FAAH2: variants seen among roughly 807,000 people sequenced by gnomAD.
FAAH2 encodes the protein fatty-acid amide hydrolase 2.
A neutral mutation model predicts 36.9 loss-of-function variants in FAAH2; 60 were observed. That is an observed-to-expected ratio of 1.63 (90% CI 1.32 to 2.02). The LOEUF is 2.02. FAAH2 is among the 30% of genes most tolerant of loss of function. The probability of loss-of-function intolerance (pLI) is 0.00; values close to 1 mark genes in which losing one functional copy is unlikely to be tolerated. For missense variants in FAAH2, 689 were observed against 397.5 expected (o/e 1.73, Z -6.23); for synonymous variants, 214 against 143.8 (o/e 1.49, Z -3.49).
At chrX:57,331,112 C>T (rs1186617296) in intron 3 of FAAH2, among the ~76,000 whole-genome samples, 1 of 111,726 alleles carries the variant, frequency 9.0e-6, no homozygotes, top group Non-Finnish European at 1.9e-5. Flanking sequence ...GGGGCATGGG[C>T]AACCCTTGTT....
At chrX:57,319,001 G>C (rs2052931097) in intron 3 of FAAH2, among the ~76,000 whole-genome samples, 1 of 111,483 alleles carries the variant, frequency 9.0e-6, no homozygotes, top group African/African-American at 3.3e-5. Context: ...CAATAAAGTA[G>C]GTATTAATGG....
the FAAH2 span, among the ~76,000 whole-genome samples, chrX:57,268,934 A>G: frequency 2.7e-5 from 3 of 111,954 alleles, no homozygotes; most frequent in African/African-American, 9.7e-5. Flanking sequence ...CAATTAAAAG[A>G]CAGTGTGGCA....
chrX:57,418,248 T>A (rs1414181640), intron 7 of FAAH2, among the ~76,000 whole-genome samples: 1 of 111,579 alleles, frequency 9.0e-6, no homozygotes, highest in East Asian at 2.8e-4. Context: ...AGTTCTGTTT[T>A]CCTAGTGTTC....
Position 57,431,915 on chromosome X carries a change from A to G in FAAH2, c.997-3A>G. 1 of 1,188,381 alleles carries G rather than the reference A, an allele frequency of 8.4e-7. No homozygotes were observed. The highest frequency in any genetic ancestry group is 1.9e-5 in the South Asian group (1 of 53,655). On this transcript the variant is annotated splice_polypyrimidine_tract_variant and splice_region_variant and intron_variant, in intron 7 of 10. Transcript: ENST00000374900. The stretch of plus-strand genomic sequence containing the variant: ...GTCTGTTTTTATATCTTTCTTTTAT[A>G]AGGTTGTGGTTCACCTTGAAACTAT...
Position 57,407,495 on chromosome X carries a change from C to T in FAAH2, c.997-24423C>T, listed in dbSNP as rs189294113. Among the ~76,000 whole-genome samples the T allele has an allele frequency of 4.5e-5, 5 of 112,134 alleles. No homozygotes were observed. The Admixed American group carries it at 4.7e-4, about 11-fold the overall frequency. On this transcript the variant is annotated intron_variant, in intron 7 of 10. Transcript: ENST00000374900. ...AAAGTAATACCCTACCTAACCTGTC[C>T]ATGGAACTCCAAGCTTTTTGGGGGC...
chrX:57,189,033 A>G, the FAAH2 span, among the ~76,000 whole-genome samples: 1 of 111,262 alleles, frequency 9.0e-6, no homozygotes, highest in Non-Finnish European at 1.9e-5. Context: ...AGTCAATTGT[A>G]GGTTTGGTCT....
the FAAH2 span, among the ~76,000 whole-genome samples, chrX:57,247,502 CTT>C: frequency 1.8e-5 from 2 of 111,078 alleles, no homozygotes; most frequent in Non-Finnish European, 3.8e-5. Context: ...CTCTCTCTCT[CTT>C]AACAGCACCA....
the FAAH2 span, among the ~76,000 whole-genome samples, chrX:57,166,041 G>A: frequency 9.0e-6 from 1 of 110,972 alleles, no homozygotes; most frequent in Non-Finnish European, 1.9e-5. Flanking sequence ...GAGAGGAGCA[G>A]AGTAATGGAA....
the FAAH2 span, among the ~76,000 whole-genome samples, chrX:57,246,340 A>G: frequency 1.8e-5 from 2 of 111,943 alleles, no homozygotes; most frequent in African/African-American, 6.5e-5. Flanking sequence ...ATTCCAAACA[A>G]TAGAAAAAAA....
chrX:57,443,636 G>T (rs2056611786), intron 8 of FAAH2, among the ~76,000 whole-genome samples: 1 of 112,101 alleles, frequency 8.9e-6, no homozygotes, highest in African/African-American at 3.2e-5. Context: ...TCTCTATCCA[G>T]CTTTGTTCTG....
At chrX:57,364,021 T>G (rs1159009671) in intron 5 of FAAH2, among the ~76,000 whole-genome samples, 2 of 92,302 alleles carry the variant, frequency 2.2e-5, no homozygotes, top group African/African-American at 7.9e-5. Context: ...TTTTTTTTTT[T>G]TTTTTTTTTT....
chrX:57,448,600 G>A lies in FAAH2; in HGVS notation c.1305G>A (p.Leu435=). 1 of 1,211,524 alleles carries A rather than the reference G, an allele frequency of 8.3e-7. No individual in the cohort carries two copies. The highest frequency in any genetic ancestry group is 1.1e-6 in the Non-Finnish European group (1 of 895,374). The change falls in exon 10 of 11, where the codon CTG becomes CTA. Residue 435 remains leucine (L), a synonymous_variant. Transcript: ENST00000374900. ...AGTTTAAGGCAGTGGAAGAAAGCCT[G>A]CGTAAAGAGCTGGTGGATATGCTAG... ...YQKFKAVEES[L]RKELVDMLGD...
intron 5 of FAAH2, 118 bp from the exon 6 acceptor site, chrX:57,378,533 C>T: frequency 2.2e-6 from 2 of 918,501 alleles, no homozygotes; most frequent in South Asian, 2.6e-5. Flanking sequence ...ATAAGAAGAC[C>T]TGAAAAGTTT....
chrX:57,352,525 C>T (rs189035267), intron 5 of FAAH2, among the ~76,000 whole-genome samples: 121 of 110,513 alleles, frequency 1.1e-3, no homozygotes, highest in Middle Eastern at 4.7e-3. Context: ...TGGGGAAATG[C>T]TGAAAGCACT....
At chrX:57,266,516 G>A in the FAAH2 span, among the ~76,000 whole-genome samples, 3 of 112,619 alleles carry the variant, frequency 2.7e-5, no homozygotes, top group Non-Finnish European at 5.6e-5. Flanking sequence ...AAGCCTCTCT[G>A]CCACTGCCTT....
chrX:57,426,175 T>C (rs1417762752), intron 7 of FAAH2, among the ~76,000 whole-genome samples: 3 of 111,257 alleles, frequency 2.7e-5, no homozygotes, highest in Non-Finnish European at 5.7e-5. Flanking sequence ...TCAAGAACAG[T>C]AAAAAAAGGT....
At chrX:57,313,048 G>T (rs1006707708) in intron 3 of FAAH2, among the ~76,000 whole-genome samples, 8 of 111,328 alleles carry the variant, frequency 7.2e-5, no homozygotes, top group Admixed American at 3.8e-4. Context: ...CAACAAAACA[G>T]AGCTTCTAGA....
intron 7 of FAAH2, among the ~76,000 whole-genome samples, chrX:57,420,103 G>A (rs915883129): frequency 8.9e-6 from 1 of 111,948 alleles, no homozygotes; most frequent in Admixed American, 9.5e-5. Context: ...CCAGTACCAT[G>A]CTGTTTTGGT....
chrX:57,366,876 A>G (rs1249963703), intron 5 of FAAH2, among the ~76,000 whole-genome samples: 2 of 111,939 alleles, frequency 1.8e-5, no homozygotes, highest in African/African-American at 6.5e-5. Context: ...CGGTTCCAAC[A>G]AAGGCTAGAG....
Sources: gnomAD v4.1 joint callset for allele counts (sites outside exome capture counted in the v4.1 genomes callset) on GRCh38, gnomAD v4.1.1 for gene constraint, MANE v1.5 for transcripts, NCBI Gene and HGNC (gene_info 2026-07-23, HGNC 2026-07-21) for gene names.